IGF2BP3: variants seen among roughly 807,000 people sequenced by gnomAD.
IGF2BP3 encodes insulin-like growth factor 2 mRNA-binding protein 3.
IGF2BP3 carries 9 observed loss-of-function variants against 73.8 expected under a neutral mutation model. The observed-to-expected ratio is 0.12, with a 90% CI of 0.07 to 0.21. The LOEUF is 0.21. Among genes scored for constraint, IGF2BP3 ranks in the 10% least tolerant of loss-of-function variants. IGF2BP3 has a pLI of 1.00. For synonymous variants in IGF2BP3, 258 were observed against 256.7 expected, an observed-to-expected ratio of 1.01 and a Z score of -0.05; for missense variants, 542 against 714.0, an observed-to-expected ratio of 0.76 and a Z score of 2.75.
intron 10 of IGF2BP3, among the ~76,000 whole-genome samples, chr7:23,336,458 T>A (rs1021039473): frequency 2.0e-5 from 3 of 152,204 alleles, no homozygotes; most frequent in African/African-American, 7.2e-5. Flanking sequence ...TTTTTTTTTT[T>A]TAAATAACAT....
chr7:23,410,999 A>T (rs1245166690), intron 3 of IGF2BP3, among the ~76,000 whole-genome samples: 1 of 152,182 alleles, frequency 6.6e-6, no homozygotes, highest in Non-Finnish European at 1.5e-5. Context: ...AGTGCCTAGT[A>T]CGTGTCAGCT....
rs1583928564 is a variant in IGF2BP3 at position 23,356,777 on chromosome 7, G to A, written c.401+4757C>T. Among the ~76,000 whole-genome samples the A allele has an allele frequency of 2.0e-5, 3 of 152,262 alleles. No homozygotes were observed. In the South Asian group the frequency reaches 6.2e-4, roughly 32 times the overall value. On this transcript the variant is annotated intron_variant, in intron 5 of 14. Transcript: ENST00000258729. The stretch of plus-strand genomic sequence containing the variant: ...GCCTGGGTAATATGATTTTAAGGAT[G>A]TACCGTAATGCAATAAATATGGATG...
intron 2 of IGF2BP3, among the ~76,000 whole-genome samples, chr7:23,455,745 G>A (rs545131677): frequency 5.9e-5 from 9 of 152,272 alleles, no homozygotes; most frequent in African/African-American, 2.2e-4. Flanking sequence ...GAGTGCGGTG[G>A]CGCGATGTCG....
At chr7:23,415,276 G>A (rs1226547336) in intron 3 of IGF2BP3, 1 of 238,616 alleles carries the variant, frequency 4.2e-6, no homozygotes, top group Non-Finnish European at 8.3e-6. Flanking sequence ...GCATCACCAA[G>A]TCCCTGTACG....
At chr7:23,465,362 A>G (rs573044985) in intron 2 of IGF2BP3, among the ~76,000 whole-genome samples, 1 of 152,368 alleles carries the variant, frequency 6.6e-6, no homozygotes, top group African/African-American at 2.4e-5. Flanking sequence ...GTCCAGCTGC[A>G]GGAGACTTCA....
intron 6 of IGF2BP3, among the ~76,000 whole-genome samples, chr7:23,348,975 A>C (rs1319199355): frequency 6.6e-6 from 1 of 152,226 alleles, no homozygotes; most frequent in Admixed American, 6.5e-5. Context: ...TCATGACATG[A>C]TTTCTTTTTT....
chr7:23,448,387 C>A (rs886130299), intron 2 of IGF2BP3, among the ~76,000 whole-genome samples: 1 of 152,162 alleles, frequency 6.6e-6, no homozygotes, highest in Non-Finnish European at 1.5e-5. Context: ...CAGTCCTTAA[C>A]TGTTTATTCT....
chr7:23,353,828 C>T (rs924482560), intron 5 of IGF2BP3, among the ~76,000 whole-genome samples: 5 of 152,238 alleles, frequency 3.3e-5, no homozygotes, highest in African/African-American at 1.2e-4. Flanking sequence ...TTCCTCCTGT[C>T]CCCTTTTTTT....
intron 2 of IGF2BP3, among the ~76,000 whole-genome samples, chr7:23,449,423 A>T (rs1188522396): frequency 1.3e-5 from 2 of 152,078 alleles, no homozygotes; most frequent in African/African-American, 2.4e-5. Context: ...AGGCTGAGGC[A>T]GGAAAATGGC....
intron 2 of IGF2BP3, among the ~76,000 whole-genome samples, chr7:23,448,073 G>A (rs899094424): frequency 6.6e-6 from 1 of 152,210 alleles, no homozygotes; most frequent in Non-Finnish European, 1.5e-5. Flanking sequence ...GGCAAGGAAA[G>A]CTGTCTGAAA....
intron 3 of IGF2BP3, among the ~76,000 whole-genome samples, chr7:23,398,692 T>C (rs1786560617): frequency 6.6e-6 from 1 of 152,266 alleles, no homozygotes; most frequent in Non-Finnish European, 1.5e-5. Flanking sequence ...CATGTGCTTT[T>C]TGGCTGCATA....
intron 12 of IGF2BP3, among the ~76,000 whole-genome samples, chr7:23,314,969 T>G (rs919230203): frequency 1.3e-5 from 2 of 151,242 alleles, no homozygotes; most frequent in Non-Finnish European, 2.9e-5. Flanking sequence ...CAGCTAATTT[T>G]TTGTTGTTAT....
intron 12 of IGF2BP3, among the ~76,000 whole-genome samples, chr7:23,315,391 G>C (rs990859252): frequency 2.6e-5 from 4 of 152,014 alleles, no homozygotes; most frequent in African/African-American, 7.2e-5. Context: ...AGCAAGCGTG[G>C]GCCACCGCGC....
chr7:23,453,748 G>A (rs948249969), intron 2 of IGF2BP3, among the ~76,000 whole-genome samples: 17 of 152,006 alleles, frequency 1.1e-4, no homozygotes, highest in African/African-American at 3.9e-4. Context: ...CACCAGATAC[G>A]GCCAATCTTA....
intron 3 of IGF2BP3, among the ~76,000 whole-genome samples, chr7:23,392,527 TACAC>T (rs368379331): frequency 3.6e-4 from 54 of 149,140 alleles, no homozygotes; most frequent in African/African-American, 1.3e-3. Context: ...CACACACACA[TACAC>T]ACACACACAC....
chr7:23,338,756 A>G (rs1429297512), intron 10 of IGF2BP3, among the ~76,000 whole-genome samples: 5 of 152,186 alleles, frequency 3.3e-5, no homozygotes, highest in Non-Finnish European at 5.9e-5. Context: ...TAATTTAAGT[A>G]TGGGAAAAAC....
intron 2 of IGF2BP3, among the ~76,000 whole-genome samples, chr7:23,440,072 G>C (rs912972565): frequency 6.6e-6 from 1 of 152,048 alleles, no homozygotes; most frequent in Non-Finnish European, 1.5e-5. Flanking sequence ...GACCATCCTG[G>C]CTAATACGGT....
chr7:23,418,924 A>G, intron 2 of IGF2BP3, 100 bp from the exon 3 acceptor site: 2 of 747,218 alleles, frequency 2.7e-6, no homozygotes, highest in Non-Finnish European at 4.4e-6. Context: ...TATTAACTCT[A>G]TATTAATTAC....
intron 12 of IGF2BP3, among the ~76,000 whole-genome samples, chr7:23,316,352 T>C (rs755790481): frequency 2.0e-5 from 3 of 152,092 alleles, no homozygotes; most frequent in Non-Finnish European, 4.4e-5. Context: ...CTGTATGCAC[T>C]GTTACTAGTT....
Sources: allele counts gnomAD v4.1 joint callset (sites outside exome capture counted in the v4.1 genomes callset), GRCh38; gene constraint gnomAD v4.1.1; transcripts MANE v1.5; gene names NCBI Gene and HGNC (gene_info 2026-07-23, HGNC 2026-07-21).